Variants in UGT1A4 observed in about 807,000 individuals in gnomAD.
UGT1A4 encodes UDP-glucuronosyltransferase 1A4.
In UGT1A4, 32 loss-of-function variants were observed where a neutral mutation model predicts 41.1. That is an observed-to-expected ratio of 0.78 (90% confidence interval 0.59 to 1.05). The LOEUF (loss-of-function observed/expected upper bound fraction) is 1.05. UGT1A4 is among the 50% of genes least tolerant of loss of function. The pLI, the probability that UGT1A4 is intolerant of heterozygous loss-of-function variation, is 0.00. For missense variants in UGT1A4, 748 were observed against 677.4 expected (o/e 1.10, Z -1.16); for synonymous variants, 283 against 265.1 (o/e 1.07, Z -0.66).
At position 233,719,396 on chromosome 2, in the gene UGT1A4, C is replaced by T; in HGVS notation, c.576C>T (p.Ser192=). 6.2e-7 allele frequency: 1 copy of T among 1,613,966 alleles called. No individual in the cohort carries two copies. Among genetic ancestry groups the T allele is most frequent in the Non-Finnish European group, 8.5e-7 (1 of 1,179,866 alleles). ...FKGTQCPNPS[S]YIPKLLTTNS... is the part of the protein sequence containing the mutation. ...GCACACAGTGTCCAAATCCTTCCTC[C>T]TATATTCCTAAGTTACTAACGACCA... The change falls in exon 1 of 5, where the codon TCC becomes TCT. Residue 192 remains serine (S), a synonymous_variant. Transcript: ENST00000373409.
chr2:233,743,692 G>C, intron 1 of UGT1A4: 2 of 1,367,218 alleles, frequency 1.5e-6, no homozygotes, highest in Non-Finnish European at 2.0e-6. Context: ...CTGTGCAGCC[G>C]CCCTCCGCCC....
At chr2:233,747,535 A>C in intron 1 of UGT1A4, 1 of 1,605,190 alleles carries the variant, frequency 6.2e-7, no homozygotes. Flanking sequence ...CATTTTCTGA[A>C]GACATTTTCT....
At chr2:233,742,442 C>T (rs112027081) in intron 1 of UGT1A4, among the ~76,000 whole-genome samples, 3,340 of 152,032 alleles carry the variant, frequency 0.022, 220 homozygotes, top group African/African-American at 0.075. Flanking sequence ...CCTGGGTGGG[C>T]CAGGTGTTCC....
Position 233,768,563 on chromosome 2 carries a change from A to T in UGT1A4, c.1307+124A>T, listed in dbSNP as rs1381263592. On this transcript the variant is annotated intron_variant, in intron 4 of 4. Transcript: ENST00000373409. Reference sequence around the variant, plus strand: ...CAAATATAAAAACAAATACATAAAAATCTGGATTTTTATTTCTTCTTTTTT... The same window carrying T: ...CAAATATAAAAACAAATACATAAAATTCTGGATTTTTATTTCTTCTTTTTT... The T allele has an allele frequency of 4.1e-6, 6 of 1,456,444 alleles. No individual in the cohort carries two copies. The East Asian group carries it at 1.5e-4, about 37-fold the overall frequency. The allele number at this position is 1,456,444 out of a possible 1,614,324, so 90.2% of individuals were successfully genotyped here.
At chr2:233,736,086 A>G (rs1432268125) in intron 1 of UGT1A4, among the ~76,000 whole-genome samples, 1 of 152,152 alleles carries the variant, frequency 6.6e-6, no homozygotes, top group Admixed American at 6.5e-5. Flanking sequence ...GTTCTCCTGG[A>G]TAATATCCTG....
At chr2:233,724,088 C>T (rs1463645375) in intron 1 of UGT1A4, among the ~76,000 whole-genome samples, 27 of 104,412 alleles carry the variant, frequency 2.6e-4, no homozygotes, top group African/African-American at 6.1e-4. Context: ...AGGGGCTCCT[C>T]ACTTCCCAGT....
intron 1 of UGT1A4, among the ~76,000 whole-genome samples, chr2:233,739,944 C>A (rs937638963): frequency 6.6e-6 from 1 of 151,864 alleles, no homozygotes; most frequent in Non-Finnish European, 1.5e-5. Context: ...AGGTTGGTAC[C>A]TGGTGGGAGC....
At chr2:233,740,949 T>G (rs1205876096) in intron 1 of UGT1A4, 9 of 151,554 alleles carry the variant, frequency 5.9e-5, no homozygotes, top group Non-Finnish European at 1.0e-4. Context: ...ATTAGCTAGG[T>G]GTGGTAGCAT....
At position 233,760,483 on chromosome 2, in the gene UGT1A4, T is replaced by C. The variant is rs750890851; in HGVS notation, c.868-6551T>C. On this transcript the variant is annotated intron_variant, in intron 1 of 4. Transcript: ENST00000373409. ...AGTTGTCCTAGCACCTGACGCCTCG[T>C]TGTACATCAGAGACGGAGCATTTTA... is the stretch of plus-strand genomic sequence containing the variant. The C allele has an allele frequency of 6.2e-6, 10 of 1,614,116 alleles. No individual in the cohort carries two copies. In the South Asian group the frequency reaches 8.8e-5, roughly 14 times the overall value.
intron 1 of UGT1A4, among the ~76,000 whole-genome samples, chr2:233,720,871 AT>A (rs60621337): frequency 0.024 from 3,169 of 132,736 alleles, 42 homozygotes; most frequent in Middle Eastern, 0.043. Context: ...GCTCCTGGCA[AT>A]TTTTTTTTTT....
At chr2:233,729,100 A>G (rs2077792052) in intron 1 of UGT1A4, 1 of 1,612,718 alleles carries the variant, frequency 6.2e-7, no homozygotes, top group Non-Finnish European at 8.5e-7. Context: ...TGGGGTGGAC[A>G]GTCAGCTGTC....
In UGT1A4 at chr2:233,745,292, C is replaced by T. The variant is rs13426130; in HGVS notation, c.868-21742C>T. On this transcript the variant is annotated intron_variant, in intron 1 of 4. Transcript: ENST00000373409. ...CCGTGTGTATAGCACTGGGGATAAA[C>T]GTGGGATGCAGTGATTATTTCCACT... 9.4e-3 allele frequency among the ~76,000 whole-genome samples: 1,433 copies of T among 151,880 alleles called. 51 individuals carry two copies. The highest frequency in any genetic ancestry group is 0.033 in the African/African-American group (1,366 of 41,200).
Position 233,719,669 on chromosome 2 carries a change from C to T in UGT1A4, c.849C>T (p.Asn283=), listed in dbSNP as rs375077876. The T allele has an allele frequency of 1.2e-4, 192 of 1,614,064 alleles. No homozygotes were observed. The highest frequency in any genetic ancestry group is 4.0e-4 in the East Asian group (18 of 44,878). ...TCATTGGGGGCATCAACTGTGCCAA[C>T]GGGAAGCCACTATCTCAGGTCTGTA... ...MVFIGGINCA[N]GKPLSQEFEA... is the part of the protein sequence containing the mutation. Residue 283 remains asparagine (N), a synonymous_variant, in exon 1 of 5, where the codon AAC becomes AAT. Coordinates refer to ENST00000373409, the MANE Select transcript of UGT1A4 (RefSeq NM_007120.3).
intron 1 of UGT1A4, among the ~76,000 whole-genome samples, chr2:233,756,623 G>A (rs1327328388): frequency 6.6e-6 from 1 of 152,146 alleles, no homozygotes; most frequent in East Asian, 1.9e-4. Flanking sequence ...CTTGCAGGCC[G>A]TGTGTATAGC....
At chr2:233,729,454 T>C (rs758737792) in intron 1 of UGT1A4, 3 of 1,614,042 alleles carry the variant, frequency 1.9e-6, no homozygotes, top group Non-Finnish European at 2.5e-6. Flanking sequence ...TCTGAAGAAA[T>C]TTTTCAGAAG....
In UGT1A4 at chr2:233,772,400, C is replaced by T. The variant is rs1479735066; in HGVS notation, c.1446C>T (p.Leu482=). ...APHLRPAAHD[L]TWYQYHSLDV... is the part of the protein sequence containing the mutation. ...ACCTGCGCCCCGCAGCCCACGACCT[C>T]ACCTGGTACCAGTACCATTCCTTGG... Residue 482 remains leucine, a synonymous_variant, in exon 5 of 5, where the codon CTC becomes CTT. Transcript: ENST00000373409. 1 of 1,614,246 alleles carries T rather than the reference C, an allele frequency of 6.2e-7. No homozygotes were observed.
Position 233,772,576 on chromosome 2 carries a change from A to G in UGT1A4, c.*17A>G. The stretch of plus-strand genomic sequence containing the variant: ...ACCCATTGAGAAGTGGGTGGGAAAT[A>G]AGGTAAAATTTTGAACCATTCCCTA... On this transcript the variant is annotated 3_prime_UTR_variant, in exon 5 of 5. Transcript: ENST00000373409. 6.2e-7 allele frequency: 1 copy of G among 1,610,732 alleles called. No homozygotes were observed. Among genetic ancestry groups the G allele is most frequent in the Non-Finnish European group, 8.5e-7 (1 of 1,178,228 alleles).
intron 1 of UGT1A4, among the ~76,000 whole-genome samples, chr2:233,736,610 A>G (rs2078784118): frequency 6.6e-6 from 1 of 152,034 alleles, no homozygotes; most frequent in Non-Finnish European, 1.5e-5. Context: ...TGGTTTTTAG[A>G]ATTTTCAGCT....
chr2:233,728,807 A>T (rs2077752310), intron 1 of UGT1A4, among the ~76,000 whole-genome samples: 1 of 152,228 alleles, frequency 6.6e-6, no homozygotes, highest in Non-Finnish European at 1.5e-5. Flanking sequence ...AGTAGGAGAC[A>T]GTGACATGAA....
Sources: gnomAD v4.1 joint callset for allele counts (sites outside exome capture counted in the v4.1 genomes callset) on GRCh38, gnomAD v4.1.1 for gene constraint, MANE v1.5 for transcripts, NCBI Gene and HGNC (gene_info 2026-07-23, HGNC 2026-07-21) for gene names.